Variants in HEATR5B observed in about 807,000 individuals in gnomAD.
HEATR5B encodes HEAT repeat containing 5B, also known as HEAT repeat-containing protein 5B.
HEATR5B carries 156 observed loss-of-function variants against 224.1 expected under a neutral mutation model. The observed-to-expected ratio is 0.70, with a 90% confidence interval of 0.61 to 0.80. The LOEUF is 0.80. Ranked by LOEUF, HEATR5B falls within the 30% of genes least tolerant of loss-of-function variation. The pLI, the probability that HEATR5B is intolerant of heterozygous loss-of-function variation, is 0.00. For synonymous variants in HEATR5B, 1,027 were observed against 893.0 expected, an observed-to-expected ratio of 1.15 and a Z score of -2.68; for missense variants, 2,323 against 2,535.5, an observed-to-expected ratio of 0.92 and a Z score of 1.80.
Position 37,075,637 on chromosome 2 carries a change from A to G in HEATR5B, c.448-3T>C, listed in dbSNP as rs376409774. 11 of 1,609,566 alleles carry G rather than the reference A, an allele frequency of 6.8e-6. No individual in the cohort carries two copies. The highest frequency in any genetic ancestry group is 7.6e-6 in the Non-Finnish European group (9 of 1,177,408). On this transcript the variant is annotated splice_polypyrimidine_tract_variant and splice_region_variant and intron_variant, in intron 4 of 35. Coordinates refer to ENST00000233099, the MANE Select transcript of HEATR5B (RefSeq NM_019024.3). Reference sequence around the variant, plus strand: ...AAGATTTCACTTCGCCCTTGAGACTAGACATGTATACAAAACAAAACTATT... The same window carrying G: ...AAGATTTCACTTCGCCCTTGAGACTGGACATGTATACAAAACAAAACTATT...
intron 33 of HEATR5B, among the ~76,000 whole-genome samples, chr2:36,992,443 T>G (rs1666393305): frequency 6.6e-6 from 1 of 151,920 alleles, no homozygotes; most frequent in Admixed American, 6.6e-5. Context: ...TAGCCAGGCT[T>G]GGTGGTGCAT....
chr2:36,982,026 A>T (rs1437040363), intron 35 of HEATR5B, among the ~76,000 whole-genome samples: 1 of 90,424 alleles, frequency 1.1e-5, no homozygotes, highest in Non-Finnish European at 2.5e-5. Context: ...TGCTTTACTT[A>T]AAAAAAAAAA....
At chr2:37,005,173 A>C (rs1667332239) in intron 30 of HEATR5B, among the ~76,000 whole-genome samples, 1 of 152,112 alleles carries the variant, frequency 6.6e-6, no homozygotes, top group Non-Finnish European at 1.5e-5. Context: ...ATGCCCTTGA[A>C]CTTGCCGTGT....
intron 18 of HEATR5B, among the ~76,000 whole-genome samples, chr2:37,044,917 TGAATTTTG>T (rs1339789350): frequency 6.6e-6 from 1 of 152,210 alleles, no homozygotes; most frequent in Non-Finnish European, 1.5e-5. Context: ...TCAATTTCTG[TGAATTTTG>T]GTCTTAATTC....
intron 35 of HEATR5B, among the ~76,000 whole-genome samples, chr2:36,983,071 A>C (rs1665692260): frequency 6.6e-6 from 1 of 152,158 alleles, no homozygotes; most frequent in Non-Finnish European, 1.5e-5. Context: ...TGAATGAATA[A>C]ACATACATAC....
chr2:37,062,000 G>A lies in HEATR5B; in HGVS notation c.1635C>T (p.Ser545=), dbSNP rs750176399. 1 of 1,613,928 alleles carries A rather than the reference G, an allele frequency of 6.2e-7. No individual in the cohort carries two copies. Among genetic ancestry groups the A allele is most frequent in the East Asian group, 2.2e-5 (1 of 44,872 alleles). ...EDLLRTAAQN[S]RLSLQRTQAG... ...CTTGGGTGCGCTGTAAAGATAGCCTGCTATTTTGGGCAGCAGTTCGTAAAA... is the reference window on the plus strand; with the variant it reads ...CTTGGGTGCGCTGTAAAGATAGCCTACTATTTTGGGCAGCAGTTCGTAAAA... The change falls in exon 11 of 36, where the codon AGC becomes AGT. Residue 545 remains serine, a synonymous_variant. Transcript: ENST00000233099.
intron 3 of HEATR5B, 24 bp downstream of exon 3, chr2:37,079,096 G>C (rs748510796): frequency 2.9e-6 from 4 of 1,397,884 alleles, no homozygotes; most frequent in Non-Finnish European, 4.0e-6. Context: ...AACTTCAAGG[G>C]CCCCTATTAA....
chr2:36,988,934 T>C lies in HEATR5B; in HGVS notation c.5698-75A>G. ...GCTCTACAATCACATTGCATCTTAC[T>C]ATGTACTGAAAATAAGTGATACTGC... On this transcript the variant is annotated intron_variant, in intron 34 of 35. Coordinates refer to ENST00000233099, the MANE Select transcript of HEATR5B (RefSeq NM_019024.3). The C allele has an allele frequency of 5.5e-6, 6 of 1,095,046 alleles. No individual in the cohort carries two copies. The South Asian group carries it at 8.3e-5, about 15-fold the overall frequency. 67.8% of individuals were successfully genotyped at this position (1,095,046 alleles called of 1,614,324 possible).
At chr2:37,083,216 G>A (rs1672726769) in intron 2 of HEATR5B, 73 bp downstream of exon 2, 2 of 1,533,526 alleles carry the variant, frequency 1.3e-6, no homozygotes, top group South Asian at 2.3e-5. Flanking sequence ...AACATAACAT[G>A]TGTTTTCTTA....
intron 23 of HEATR5B, 151 bp downstream of exon 23, chr2:37,028,530 C>T: frequency 1.6e-6 from 1 of 612,152 alleles, no homozygotes; most frequent in Non-Finnish European, 2.6e-6. Context: ...ATTTAACTTT[C>T]AACATTTTGA....
At chr2:37,076,654 G>GAA (rs11464053) in intron 4 of HEATR5B, among the ~76,000 whole-genome samples, 2,229 of 144,014 alleles carry the variant, frequency 0.015, 60 homozygotes, top group African/African-American at 0.05. Flanking sequence ...CCAAAAAAAA[G>GAA]AAAAAAAAAA....
intron 5 of HEATR5B, among the ~76,000 whole-genome samples, chr2:37,074,336 A>C (rs1249360769): frequency 2.0e-5 from 3 of 151,702 alleles, no homozygotes; most frequent in African/African-American, 7.3e-5. Context: ...AAAAAAAAAA[A>C]AGAAATGGTA....
chr2:37,011,645 T>C (rs1283448130), intron 27 of HEATR5B, among the ~76,000 whole-genome samples: 2 of 152,198 alleles, frequency 1.3e-5, no homozygotes, highest in Admixed American at 1.3e-4. Flanking sequence ...CCAGTTTTCA[T>C]AACCATTATT....
intron 28 of HEATR5B, 21 bp from the exon 29 acceptor site, chr2:37,007,325 T>C (rs1667486829): frequency 7.0e-7 from 1 of 1,419,410 alleles, no homozygotes; most frequent in Non-Finnish European, 9.7e-7. Context: ...ATCAAATCAA[T>C]TAAAAACATT....
chr2:36,990,079 T>C (rs1666222915), intron 34 of HEATR5B, among the ~76,000 whole-genome samples: 1 of 151,916 alleles, frequency 6.6e-6, no homozygotes, highest in African/African-American at 2.4e-5. Context: ...TTTTTTTGTA[T>C]TTTTAGTAGA....
chr2:37,049,064 G>A (rs1670374983), intron 18 of HEATR5B, among the ~76,000 whole-genome samples: 2 of 152,086 alleles, frequency 1.3e-5, no homozygotes, highest in Non-Finnish European at 2.9e-5. Context: ...TGATTAACAA[G>A]TCAATAGTCA....
At chr2:37,016,407 G>A (rs955309948) in intron 26 of HEATR5B, among the ~76,000 whole-genome samples, 69 of 151,966 alleles carry the variant, frequency 4.5e-4, no homozygotes, top group Non-Finnish European at 1.3e-4. Flanking sequence ...CACCGCGCCC[G>A]GCCACATGTC....
At chr2:37,001,925 C>T (rs1202889687) in intron 32 of HEATR5B, among the ~76,000 whole-genome samples, 2 of 152,172 alleles carry the variant, frequency 1.3e-5, no homozygotes, top group East Asian at 3.9e-4. Flanking sequence ...CCTCAGCCTC[C>T]CAAAGTGCTG....
At chr2:37,036,207 C>T (rs987050858) in intron 21 of HEATR5B, among the ~76,000 whole-genome samples, 3 of 152,132 alleles carry the variant, frequency 2.0e-5, no homozygotes, top group Non-Finnish European at 4.4e-5. Context: ...GCAGAGAACA[C>T]CTTCTAATGG....
Sources: gnomAD v4.1 joint callset for allele counts (sites outside exome capture counted in the v4.1 genomes callset) on GRCh38, gnomAD v4.1.1 for gene constraint, MANE v1.5 for transcripts, NCBI Gene and HGNC (gene_info 2026-07-23, HGNC 2026-07-21) for gene names.